The following CDC5L variants were observed in gnomAD, a reference collection of about 807,000 sequenced individuals.
The protein encoded by CDC5L is cell division cycle 5 like.
Under a neutral mutation model 104.1 loss-of-function variants are expected in CDC5L, and 18 were observed. That is an observed-to-expected ratio of 0.17 (90% confidence interval 0.12 to 0.26). The LOEUF (loss-of-function observed/expected upper bound fraction) is 0.26, where lower values mean the gene tolerates loss of function less well. CDC5L is among the 10% of genes least tolerant of loss of function. The pLI is 1.00. For missense variants in CDC5L, 673 were observed against 956.9 expected (o/e 0.70, Z 3.91); for synonymous variants, 331 against 322.7 (o/e 1.03, Z -0.28).
Position 44,449,513 on chromosome 6 carries a change from A to G in CDC5L, c.*2802A>G, listed in dbSNP as rs1196163021. On this transcript the variant is annotated 3_prime_UTR_variant, in exon 16 of 16. Transcript: ENST00000371477. ...CTATTAAAAAATAATAATAAAAATAACATTCACATTGGTATTGTTCACTAA... is the reference window on the plus strand; with the variant it reads ...CTATTAAAAAATAATAATAAAAATAGCATTCACATTGGTATTGTTCACTAA... The G allele has an allele frequency of 6.6e-6, 1 of 152,190 alleles. No homozygotes were observed. The highest frequency in any genetic ancestry group is 2.4e-5 in the African/African-American group (1 of 41,448). The allele number at this position is 152,190 out of a possible 1,614,324, so 9.4% of individuals were successfully genotyped here. A position where few individuals can be genotyped will look rare whatever the true frequency, so the allele number is the denominator to read the frequency against.
chr6:44,403,688 G>A (rs1791236368), intron 5 of CDC5L, 121 bp from the exon 6 acceptor site: 1 of 685,724 alleles, frequency 1.5e-6, no homozygotes, highest in Non-Finnish European at 2.4e-6. Context: ...ATGGTGTGAG[G>A]TAAGGATTTA....
At chr6:44,426,300 C>A in intron 12 of CDC5L, 117 bp downstream of exon 12, 1 of 784,126 alleles carries the variant, frequency 1.3e-6, no homozygotes, top group East Asian at 2.7e-5. Context: ...TGGAATATAG[C>A]AAAGTAGTTC....
chr6:44,433,078 G>A (rs1261924184), intron 14 of CDC5L, among the ~76,000 whole-genome samples: 5 of 152,042 alleles, frequency 3.3e-5, no homozygotes, highest in Non-Finnish European at 5.9e-5. Context: ...TTAAAAGGGC[G>A]GGATGGCTAT....
At chr6:44,390,086 C>T (rs936234590) in intron 1 of CDC5L, among the ~76,000 whole-genome samples, 182 bp from the exon 2 acceptor site, 2 of 152,102 alleles carry the variant, frequency 1.3e-5, no homozygotes, top group African/African-American at 4.8e-5. Flanking sequence ...CTTAATTTCT[C>T]AATTCTTGGT....
rs529399355 is a variant in CDC5L, at chr6:44,450,319, G to T, written c.*3608G>T. On this transcript the variant is annotated 3_prime_UTR_variant, in exon 16 of 16. Coordinates refer to ENST00000371477, the MANE Select transcript of CDC5L (RefSeq NM_001253.4). ...CTTACAGAACTTTTGAGTTCACAGTGCTTTCTGGAAATAATTTCTTTATAA... is the reference window on the plus strand; with the variant it reads ...CTTACAGAACTTTTGAGTTCACAGTTCTTTCTGGAAATAATTTCTTTATAA... The T allele has an allele frequency of 1.3e-5, 2 of 152,228 alleles. No homozygotes were observed. The highest frequency in any genetic ancestry group is 4.8e-5 in the African/African-American group (2 of 41,526). 9.4% of individuals were successfully genotyped at this position (152,228 alleles called of 1,614,324 possible). A position where few individuals can be genotyped will look rare whatever the true frequency, so the allele number is the denominator to read the frequency against.
intron 15 of CDC5L, among the ~76,000 whole-genome samples, chr6:44,446,348 A>G (rs11572054): frequency 0.012 from 1,789 of 152,330 alleles, 18 homozygotes; most frequent in Middle Eastern, 0.054. Context: ...GGGCTTCTTG[A>G]AGTGCATTTG....
intron 13 of CDC5L, 40 bp downstream of exon 13, chr6:44,426,764 A>G (rs747432482): frequency 1.5e-4 from 238 of 1,598,184 alleles, no homozygotes; most frequent in Non-Finnish European, 2.0e-4. Context: ...AGATTTAGGT[A>G]GTTGTTAGGT....
At chr6:44,387,900 G>T in intron 1 of CDC5L, 32 bp downstream of exon 1, 2 of 1,552,452 alleles carry the variant, frequency 1.3e-6, no homozygotes, top group South Asian at 1.2e-5. Flanking sequence ...TCCGCTGCCC[G>T]CCGCTCCCTC....
chr6:44,441,236 A>G (rs764318152), intron 14 of CDC5L, among the ~76,000 whole-genome samples: 2 of 152,216 alleles, frequency 1.3e-5, no homozygotes, highest in Admixed American at 6.5e-5. Context: ...AGTTAACATC[A>G]TATGATATTT....
chr6:44,387,948 C>G (rs1323612247), intron 1 of CDC5L, 80 bp downstream of exon 1: 1 of 1,357,622 alleles, frequency 7.4e-7, no homozygotes, highest in Non-Finnish European at 1.0e-6. Flanking sequence ...GTCGGGGGGG[C>G]GACGAGGAGA....
chr6:44,391,158 AAT>A (rs1342204087), intron 2 of CDC5L, among the ~76,000 whole-genome samples: 2 of 145,522 alleles, frequency 1.4e-5, no homozygotes, highest in Non-Finnish European at 3.0e-5. Context: ...AAACATATTT[AAT>A]ATGTTATATA....
At chr6:44,393,063 A>T (rs1221805861) in intron 3 of CDC5L, among the ~76,000 whole-genome samples, 1 of 152,118 alleles carries the variant, frequency 6.6e-6, no homozygotes, top group African/African-American at 2.4e-5. Context: ...CATGTTCATC[A>T]TAGAAAATCT....
chr6:44,395,752 A>C (rs1309808261), intron 4 of CDC5L, among the ~76,000 whole-genome samples: 1 of 152,180 alleles, frequency 6.6e-6, no homozygotes, highest in Non-Finnish European at 1.5e-5. Flanking sequence ...TGAGTATTTT[A>C]CAAGTTCCCA....
At chr6:44,419,241 A>G (rs1244396700) in intron 8 of CDC5L, among the ~76,000 whole-genome samples, 2 of 152,200 alleles carry the variant, frequency 1.3e-5, no homozygotes, top group East Asian at 1.9e-4. Flanking sequence ...CCCATGATGT[A>G]TAACACTTCT....
rs398048339 is a variant in CDC5L, at chr6:44,414,424, G to A, written c.1093-5025G>A. ...TGTGTGTGTGTGTGTGTGTGTGTGT[G>A]TGTGTGTATTTTTTTTTAGAAATAG... On this transcript the variant is annotated intron_variant, in intron 8 of 15. Coordinates refer to ENST00000371477, the MANE Select transcript of CDC5L (RefSeq NM_001253.4). Among the ~76,000 whole-genome samples the A allele has an allele frequency of 6.2e-4, 49 of 78,920 alleles. 1 individual carries two copies. The highest frequency in any genetic ancestry group is 1.6e-3 in the African/African-American group (41 of 25,884). 51.8% of individuals were successfully genotyped at this position (78,920 alleles called of 152,430 possible). A position where few individuals can be genotyped will look rare whatever the true frequency, so the allele number is the denominator to read the frequency against.
rs530675549 is a variant in CDC5L at position 44,429,992 on chromosome 6, A to G, written c.2091+82A>G. On this transcript the variant is annotated intron_variant, in intron 14 of 15. Coordinates refer to ENST00000371477, the MANE Select transcript of CDC5L (RefSeq NM_001253.4). Reference sequence around the variant, plus strand: ...AAATAATGCCACTGGAGACAATGTCAGAAAAACACACCTGAGGTGCTTATT... The same window carrying G: ...AAATAATGCCACTGGAGACAATGTCGGAAAAACACACCTGAGGTGCTTATT... 1.8e-5 allele frequency: 19 copies of G among 1,084,034 alleles called. 1 individual carries two copies. The South Asian group carries it at 2.4e-4, about 14-fold the overall frequency. 67.2% of individuals were successfully genotyped at this position (1,084,034 alleles called of 1,614,324 possible).
chr6:44,402,603 A>G (rs1477844363), intron 5 of CDC5L, among the ~76,000 whole-genome samples: 2 of 152,186 alleles, frequency 1.3e-5, no homozygotes, highest in South Asian at 2.1e-4. Context: ...TCACGAAATC[A>G]TTACAGTTAT....
In CDC5L at chr6:44,448,409, C is replaced by T. The variant is rs1793529878; in HGVS notation, c.*1698C>T. ...GATTTGGTTTTAGAAACATCACTAT[C>T]TCCTTAGTGTGTAAAATCTCACCAG... On this transcript the variant is annotated 3_prime_UTR_variant, in exon 16 of 16. Coordinates refer to ENST00000371477, the MANE Select transcript of CDC5L (RefSeq NM_001253.4). The T allele has an allele frequency of 6.6e-6, 1 of 152,200 alleles. No homozygotes were observed. Among genetic ancestry groups the T allele is most frequent in the Non-Finnish European group, 1.5e-5 (1 of 68,036 alleles). The allele number at this position is 152,200 out of a possible 1,614,324, so 9.4% of individuals were successfully genotyped here.
At chr6:44,404,247 C>T (rs1791261550) in intron 6 of CDC5L, among the ~76,000 whole-genome samples, 1 of 152,034 alleles carries the variant, frequency 6.6e-6, no homozygotes, top group Non-Finnish European at 1.5e-5. Context: ...TGGGCTCAAG[C>T]AATCCTCCCA....
Sources: gnomAD v4.1 joint callset for allele counts (sites outside exome capture counted in the v4.1 genomes callset) on GRCh38, gnomAD v4.1.1 for gene constraint, MANE v1.5 for transcripts, NCBI Gene and HGNC (gene_info 2026-07-23, HGNC 2026-07-21) for gene names.